Variants in BBS9 observed in about 807,000 individuals in gnomAD.
The protein encoded by BBS9 is protein PTHB1.
A neutral mutation model predicts 117.7 loss-of-function variants in BBS9; 89 were observed. The observed-to-expected ratio is 0.76, with a 90% CI of 0.64 to 0.90. The LOEUF (loss-of-function observed/expected upper bound fraction) is 0.90, where lower values mean the gene tolerates loss of function less well. BBS9 is among the 40% of genes least tolerant of loss of function. The probability of loss-of-function intolerance (pLI) is 0.00; values close to 1 mark genes in which losing one functional copy is unlikely to be tolerated. For missense variants in BBS9, 982 were observed against 1,042.2 expected (o/e 0.94, Z 0.80); for synonymous variants, 379 against 370.9 (o/e 1.02, Z -0.25).
At chr7:33,522,290 T>A (rs944203482) in intron 20 of BBS9, among the ~76,000 whole-genome samples, 7 of 152,096 alleles carry the variant, frequency 4.6e-5, no homozygotes, top group African/African-American at 1.7e-4. Flanking sequence ...TCAAATGGTA[T>A]TTCTAGTTCT....
chr7:33,222,316 T>C (rs915905472), intron 5 of BBS9, among the ~76,000 whole-genome samples: 2 of 152,178 alleles, frequency 1.3e-5, no homozygotes, highest in African/African-American at 4.8e-5. Context: ...GAATAGTCCC[T>C]AAGCTAGCAG....
chr7:33,574,702 C>T (rs550488053), intron 21 of BBS9, among the ~76,000 whole-genome samples: 6 of 144,016 alleles, frequency 4.2e-5, no homozygotes, highest in South Asian at 2.3e-4. Context: ...CACACACACA[C>T]ACACACACAC....
intron 19 of BBS9, among the ~76,000 whole-genome samples, chr7:33,486,042 T>C (rs1843067784): frequency 6.6e-6 from 1 of 152,210 alleles, no homozygotes; most frequent in East Asian, 1.9e-4. Context: ...GTTGGCGGTG[T>C]GGGAGTAGGG....
At chr7:33,472,052 A>G (rs1841117470) in intron 19 of BBS9, among the ~76,000 whole-genome samples, 1 of 152,216 alleles carries the variant, frequency 6.6e-6, no homozygotes, top group Non-Finnish European at 1.5e-5. Flanking sequence ...TTTGACTGAC[A>G]GAGAAACTTC....
chr7:33,375,595 C>CTTTTT (rs11344728), intron 17 of BBS9, among the ~76,000 whole-genome samples: 3 of 127,466 alleles, frequency 2.4e-5, no homozygotes, highest in Admixed American at 7.7e-5. Context: ...TTCTTTCTTT[C>CTTTTT]TTTTTTTTTT....
intron 21 of BBS9, among the ~76,000 whole-genome samples, chr7:33,546,460 C>T (rs762571373): frequency 2.0e-5 from 3 of 152,150 alleles, no homozygotes; most frequent in Non-Finnish European, 4.4e-5. Flanking sequence ...TATTACTTCT[C>T]TGCTTTAGAA....
intron 19 of BBS9, among the ~76,000 whole-genome samples, chr7:33,467,206 A>G (rs1840305495): frequency 6.6e-6 from 1 of 152,086 alleles, no homozygotes; most frequent in Admixed American, 6.6e-5. Context: ...CTGGGGGGAA[A>G]CATTGCATGT....
intron 20 of BBS9, among the ~76,000 whole-genome samples, chr7:33,525,829 G>T (rs1416998904): frequency 6.8e-6 from 1 of 147,368 alleles, no homozygotes; most frequent in African/African-American, 2.6e-5. Context: ...AGTTGATGCA[G>T]TTTCTTCCTA....
At chr7:33,516,752 G>A (rs531894819) in intron 20 of BBS9, among the ~76,000 whole-genome samples, 1 of 152,280 alleles carries the variant, frequency 6.6e-6, no homozygotes, top group South Asian at 2.1e-4. Flanking sequence ...TAAACAGTGA[G>A]AAGTAGTCAA....
At chr7:33,383,951 T>G in intron 18 of BBS9, 113 bp downstream of exon 18, 1 of 1,132,700 alleles carries the variant, frequency 8.8e-7, no homozygotes, top group Admixed American at 2.5e-5. Flanking sequence ...TCTAGTTGTT[T>G]TTCTTATGTG....
At chr7:33,275,872 T>A (rs1800674598) in intron 9 of BBS9, among the ~76,000 whole-genome samples, 1 of 152,200 alleles carries the variant, frequency 6.6e-6, no homozygotes. Context: ...CAGTCAATAA[T>A]AACTGAAATA....
At position 33,382,459 on chromosome 7, in the gene BBS9, C is replaced by CAA. The variant is rs113930733; in HGVS notation, c.1790-1190_1790-1189dup. Among the ~76,000 whole-genome samples, 299 of 122,624 alleles carry CAA rather than the reference C, an allele frequency of 2.4e-3. 3 individuals are homozygous for CAA. Among genetic ancestry groups the CAA allele is most frequent in the African/African-American group, 8.6e-3 (281 of 32,840 alleles). 80.4% of individuals were successfully genotyped at this position (122,624 alleles called of 152,430 possible). On this transcript the variant is annotated intron_variant, in intron 17 of 22. Coordinates refer to ENST00000242067, the MANE Select transcript of BBS9 (RefSeq NM_198428.3). The stretch of plus-strand genomic sequence containing the variant: ...TGGGTGACAGAGTGAGACCCTGTCT[C>CAA]AAAAAAAAAAAAAAAAAAGTGTATA...
chr7:33,366,895 C>T (rs115822800), intron 16 of BBS9, among the ~76,000 whole-genome samples: 1 of 152,058 alleles, frequency 6.6e-6, no homozygotes, highest in Non-Finnish European at 1.5e-5. Flanking sequence ...GTTGGATCTA[C>T]AGCTAGCAGA....
rs1052355097 is a variant in BBS9, at chr7:33,384,423, C to G, written c.1962+585C>G. On this transcript the variant is annotated intron_variant, in intron 18 of 22. Transcript: ENST00000242067. ...GTGCCTTCAGAGCCTATGTTAGATTCTCTTGAGTATTTCAATGGTGACATG... is the reference window on the plus strand; with the variant it reads ...GTGCCTTCAGAGCCTATGTTAGATTGTCTTGAGTATTTCAATGGTGACATG... Among the ~76,000 whole-genome samples, 7 of 152,266 alleles carry G rather than the reference C, an allele frequency of 4.6e-5. No homozygotes were observed. In the East Asian group the frequency reaches 5.8e-4, roughly 13 times the overall value.
chr7:33,504,410 A>G (rs1207432287), intron 19 of BBS9, among the ~76,000 whole-genome samples: 2 of 152,088 alleles, frequency 1.3e-5, no homozygotes, highest in Admixed American at 6.5e-5. Flanking sequence ...GGGAGACCAC[A>G]CAGCTGTACA....
At chr7:33,488,300 G>A (rs1005631295) in intron 19 of BBS9, among the ~76,000 whole-genome samples, 1 of 151,822 alleles carries the variant, frequency 6.6e-6, no homozygotes, top group African/African-American at 2.4e-5. Flanking sequence ...CAAAATCTCA[G>A]ACCAGAAGTT....
intron 5 of BBS9, among the ~76,000 whole-genome samples, chr7:33,254,823 T>C (rs1204848136): frequency 6.6e-6 from 1 of 152,198 alleles, no homozygotes; most frequent in Non-Finnish European, 1.5e-5. Flanking sequence ...ATCCATGTTG[T>C]TGTAAATGGT....
chr7:33,389,460 C>A (rs373851916), intron 19 of BBS9, among the ~76,000 whole-genome samples: 3 of 152,030 alleles, frequency 2.0e-5, no homozygotes, highest in Non-Finnish European at 4.4e-5. Flanking sequence ...GAGGCCTAGG[C>A]GGGCGGATCA....
intron 10 of BBS9, 34 bp from the exon 11 acceptor site, chr7:33,340,863 A>T (rs1448364445): frequency 1.3e-6 from 2 of 1,571,628 alleles, no homozygotes; most frequent in Admixed American, 3.4e-5. Flanking sequence ...GTTTTACTTT[A>T]TGATTAAATA....
Sources: allele counts gnomAD v4.1 joint callset (sites outside exome capture counted in the v4.1 genomes callset), GRCh38; gene constraint gnomAD v4.1.1; transcripts MANE v1.5; gene names NCBI Gene and HGNC (gene_info 2026-07-23, HGNC 2026-07-21).